Variants in FHIT observed in about 807,000 individuals in gnomAD.
FHIT encodes bis(5'-adenosyl)-triphosphatase.
In FHIT, 19 loss-of-function variants were observed where a neutral mutation model predicts 17.9. The observed-to-expected ratio is 1.06, with a 90% CI of 0.74 to 1.56. The LOEUF is 1.56. FHIT is among the 40% of genes most tolerant of loss of function. FHIT has a pLI of 0.00. For missense variants in FHIT, 248 were observed against 189.2 expected (o/e 1.31, Z -1.82); for synonymous variants, 81 against 69.7 (o/e 1.16, Z -0.81).
intron 4 of FHIT, among the ~76,000 whole-genome samples, chr3:60,744,270 A>AAAAAAAAAAAAAAAAAAC (rs1577150242): frequency 4.4e-5 from 1 of 22,512 alleles, no homozygotes; most frequent in Non-Finnish European, 8.7e-5. Context: ...AAACAAAACA[A>AAAAAAAAAAAAAAAAAAC]AAAAAAAAAA....
At chr3:60,658,325 T>C (rs2040164011) in intron 4 of FHIT, among the ~76,000 whole-genome samples, 3 of 152,208 alleles carry the variant, frequency 2.0e-5, no homozygotes, top group Admixed American at 1.3e-4. Flanking sequence ...CATTTTGCTA[T>C]TGATTTTCTA....
intron 7 of FHIT, among the ~76,000 whole-genome samples, chr3:59,972,377 G>T (rs1708224579): frequency 1.3e-5 from 2 of 152,078 alleles, no homozygotes; most frequent in South Asian, 4.2e-4. Flanking sequence ...GTGAAGCTTG[G>T]TTCACTAGCC....
intron 4 of FHIT, among the ~76,000 whole-genome samples, chr3:60,789,480 T>C (rs1256168351): frequency 6.6e-6 from 1 of 152,194 alleles, no homozygotes; most frequent in Admixed American, 6.5e-5. Context: ...ATTGTGCCAC[T>C]GCACTCCAGC....
At chr3:59,962,525 G>T (rs1707735147) in intron 7 of FHIT, among the ~76,000 whole-genome samples, 1 of 152,188 alleles carries the variant, frequency 6.6e-6, no homozygotes, top group Non-Finnish European at 1.5e-5. Context: ...GGAGGGGAGG[G>T]AGTCTGTTAG....
chr3:60,256,288 T>G (rs1039253962), intron 5 of FHIT, among the ~76,000 whole-genome samples: 112 of 152,182 alleles, frequency 7.4e-4, no homozygotes, highest in African/African-American at 2.7e-3. Context: ...GCATTGGATA[T>G]CTCATCTTCC....
At chr3:60,943,799 A>G (rs1318522558) in intron 3 of FHIT, among the ~76,000 whole-genome samples, 1 of 152,176 alleles carries the variant, frequency 6.6e-6, no homozygotes, top group Non-Finnish European at 1.5e-5. Flanking sequence ...ATTCTCTTAA[A>G]GCTTCAAGCT....
intron 2 of FHIT, among the ~76,000 whole-genome samples, chr3:61,192,092 A>C (rs1576184245): frequency 6.6e-6 from 1 of 152,160 alleles, no homozygotes; most frequent in Non-Finnish European, 1.5e-5. Context: ...CCAAAAAGGA[A>C]CCAGCCATCT....
chr3:60,088,784 A>G (rs1022193402), intron 5 of FHIT, among the ~76,000 whole-genome samples: 2 of 131,442 alleles, frequency 1.5e-5, no homozygotes, highest in African/African-American at 6.4e-5. Context: ...AACAAACATA[A>G]TTAATTGGAT....
chr3:60,241,330 A>T (rs1435083236), intron 5 of FHIT, among the ~76,000 whole-genome samples: 1 of 152,170 alleles, frequency 6.6e-6, no homozygotes, highest in Non-Finnish European at 1.5e-5. Context: ...GTACAGACCC[A>T]TTCTAAAGAG....
intron 8 of FHIT, among the ~76,000 whole-genome samples, chr3:59,917,830 T>C (rs955756281): frequency 2.0e-5 from 3 of 152,366 alleles, no homozygotes; most frequent in Non-Finnish European, 4.4e-5. Context: ...AGAGTAGCTC[T>C]CGAGCCTGCT....
rs192646973 is a variant in FHIT at position 60,533,670 on chromosome 3, G to C, written c.103+3190C>G. ...TCAGATGAAATGAAAAGCATGGGGA[G>C]GAATCTCCAGTTGAGGTGAGGGGCA... On this transcript the variant is annotated intron_variant, in intron 5 of 9. Transcript: ENST00000492590. Among the ~76,000 whole-genome samples the C allele has an allele frequency of 1.1e-4, 16 of 151,990 alleles. No individual in the cohort carries two copies. The South Asian group carries it at 2.5e-3, about 24-fold the overall frequency.
intron 5 of FHIT, among the ~76,000 whole-genome samples, chr3:60,339,174 GCT>G (rs1710389561): frequency 6.6e-6 from 1 of 151,946 alleles, no homozygotes; most frequent in African/African-American, 2.4e-5. Context: ...AGTGATTTTT[GCT>G]CTTTGATCTT....
chr3:60,159,845 A>T (rs1053479378), intron 5 of FHIT, among the ~76,000 whole-genome samples: 1 of 149,776 alleles, frequency 6.7e-6, no homozygotes. Flanking sequence ...ACATGCTCAT[A>T]ACCATGAGGA....
rs1365951104 is a variant in FHIT at position 61,158,433 on chromosome 3, CTA to C, written c.-164+42182_-164+42183del. On this transcript the variant is annotated intron_variant, in intron 2 of 9. Transcript: ENST00000492590. The stretch of plus-strand genomic sequence containing the variant: ...CACCAGAAGCAGAATATAACTCTCT[CTA>C]GGAAGCTGTAAATTAAAGGGAGATT... Among the ~76,000 whole-genome samples, 18 of 152,200 alleles carry C rather than the reference CTA, an allele frequency of 1.2e-4. No homozygotes were observed. The South Asian group carries it at 3.1e-3, about 26-fold the overall frequency.
chr3:60,107,179 A>G (rs1331420360), intron 5 of FHIT, among the ~76,000 whole-genome samples: 2 of 130,788 alleles, frequency 1.5e-5, no homozygotes, highest in Admixed American at 7.7e-5. Context: ...TTTTGTACAC[A>G]AAGGACTCTT....
At chr3:60,379,778 T>A (rs1050052649) in intron 5 of FHIT, among the ~76,000 whole-genome samples, 21 of 152,146 alleles carry the variant, frequency 1.4e-4, no homozygotes, top group African/African-American at 4.6e-4. Flanking sequence ...GAACACCTGG[T>A]ATAGGAAACT....
intron 4 of FHIT, among the ~76,000 whole-genome samples, chr3:60,794,717 T>G (rs187205463): frequency 6.6e-6 from 1 of 152,354 alleles, no homozygotes; most frequent in African/African-American, 2.4e-5. Context: ...TTATTAACTT[T>G]AAATTTTCAT....
chr3:60,174,987 C>T (rs574423489), intron 5 of FHIT, among the ~76,000 whole-genome samples: 3 of 152,050 alleles, frequency 2.0e-5, no homozygotes, highest in Non-Finnish European at 4.4e-5. Flanking sequence ...ACTGTGTGAA[C>T]GAAAGGATAG....
chr3:59,871,082 T>C (rs1015637471), intron 8 of FHIT, among the ~76,000 whole-genome samples: 3 of 152,178 alleles, frequency 2.0e-5, no homozygotes, highest in African/African-American at 7.2e-5. Context: ...TAAAGTTTCT[T>C]ATCCAAGACT....
Sources: gnomAD v4.1 joint callset for allele counts (sites outside exome capture counted in the v4.1 genomes callset) on GRCh38, gnomAD v4.1.1 for gene constraint, MANE v1.5 for transcripts, NCBI Gene and HGNC (gene_info 2026-07-23, HGNC 2026-07-21) for gene names.